Variants in NAV3 observed in about 807,000 individuals in gnomAD.
NAV3 encodes neuron navigator 3.
In NAV3, 87 loss-of-function variants were observed where a neutral mutation model predicts 244.7. The ratio of observed to expected loss-of-function variants is 0.36; its 90% confidence interval spans 0.30 to 0.42. The LOEUF is 0.42. Ranked by LOEUF, NAV3 falls within the 20% of genes least tolerant of loss-of-function variation. The probability of loss-of-function intolerance (pLI) is 1.00; values close to 1 mark genes in which losing one functional copy is unlikely to be tolerated. For synonymous variants in NAV3, 1,126 were observed against 1,042.2 expected (o/e 1.08, Z -1.55); for missense variants, 2,663 against 2,893.3 (o/e 0.92, Z 1.83).
intron 32 of NAV3, 115 bp downstream of exon 32, chr12:78,188,458 C>A: frequency 1.7e-6 from 2 of 1,185,368 alleles, no homozygotes; most frequent in Non-Finnish European, 1.2e-6. Context: ...ATAAGGAAAG[C>A]TTTCTGTTTG....
intron 30 of NAV3, among the ~76,000 whole-genome samples, chr12:78,184,207 G>T (rs1958616614): frequency 6.6e-6 from 1 of 151,722 alleles, no homozygotes; most frequent in African/African-American, 2.4e-5. Flanking sequence ...CCAATATGCA[G>T]CAAAATTTCT....
intron 2 of NAV3, among the ~76,000 whole-genome samples, chr12:77,643,614 C>T (rs559374059): frequency 6.6e-6 from 1 of 151,570 alleles, no homozygotes; most frequent in African/African-American, 2.4e-5. Flanking sequence ...TTTGAGAAAC[C>T]TTTAAAGTAG....
Position 78,118,149 on chromosome 12 carries a change from G to A in NAV3, c.2892G>A (p.Val964=), listed in dbSNP as rs2138568765. The A allele has an allele frequency of 6.2e-7, 1 of 1,614,074 alleles. No individual in the cohort carries two copies. Among genetic ancestry groups the A allele is most frequent in the Non-Finnish European group, 8.5e-7 (1 of 1,180,016 alleles). The change falls in exon 14 of 40, where the codon GTG becomes GTA. Residue 964 remains valine, a synonymous_variant. Transcript: ENST00000397909. ...ATGCTGGTGGCAAGTGGAAGACTGT[G>A]TCCTCTGGACTTCCTGAAGACCCCG... ...HGDAGGKWKT[V]SSGLPEDPEK... is the part of the protein sequence containing the mutation.
At chr12:77,656,778 CA>C (rs1248701009) in intron 2 of NAV3, among the ~76,000 whole-genome samples, 13 of 151,804 alleles carry the variant, frequency 8.6e-5, no homozygotes, top group Admixed American at 6.6e-4. Context: ...ACAGTGCGAT[CA>C]AACTAGAACT....
intron 12 of NAV3, among the ~76,000 whole-genome samples, chr12:78,086,269 A>G (rs1202652600): frequency 6.6e-6 from 1 of 152,088 alleles, no homozygotes; most frequent in African/African-American, 2.4e-5. Flanking sequence ...ATTTGTTTTA[A>G]TAGGAGTCTC....
intron 2 of NAV3, among the ~76,000 whole-genome samples, chr12:77,607,713 C>A (rs2136802369): frequency 6.6e-6 from 1 of 152,114 alleles, no homozygotes; most frequent in South Asian, 2.1e-4. Context: ...AACCCCATAC[C>A]ATTTCTATTG....
chr12:77,959,811 C>T (rs571287243), intron 3 of NAV3, among the ~76,000 whole-genome samples: 1 of 146,958 alleles, frequency 6.8e-6, no homozygotes, highest in East Asian at 2.0e-4. Flanking sequence ...CCCCTTGGCA[C>T]TTCCATTTCT....
At chr12:78,139,216 C>T (rs1449952813) in intron 19 of NAV3, among the ~76,000 whole-genome samples, 3 of 151,962 alleles carry the variant, frequency 2.0e-5, no homozygotes, top group Admixed American at 6.6e-5. Flanking sequence ...CATCTATATA[C>T]TCAGTTTTAA....
At chr12:77,607,843 T>A (rs1015223857) in intron 2 of NAV3, among the ~76,000 whole-genome samples, 1 of 152,122 alleles carries the variant, frequency 6.6e-6, no homozygotes, top group Non-Finnish European at 1.5e-5. Context: ...CTGTGTCTTA[T>A]CTTCCTTTGG....
At chr12:77,982,777 A>C (rs1206941917) in intron 5 of NAV3, among the ~76,000 whole-genome samples, 2 of 152,184 alleles carry the variant, frequency 1.3e-5, no homozygotes, top group Non-Finnish European at 2.9e-5. Context: ...CGGGGATGTC[A>C]CAAACTGGTG....
At chr12:77,814,526 G>C (rs940925054) in intron 2 of NAV3, among the ~76,000 whole-genome samples, 3 of 152,264 alleles carry the variant, frequency 2.0e-5, no homozygotes, top group East Asian at 1.9e-4. Context: ...GGCTGGGTTA[G>C]AGCCAATTAA....
Position 77,765,427 on chromosome 12 carries a change from C to G in NAV3, c.73-174892C>G, listed in dbSNP as rs1291312194. Among the ~76,000 whole-genome samples the G allele has an allele frequency of 2.0e-5, 3 of 152,154 alleles. No individual in the cohort carries two copies. The East Asian group carries it at 5.8e-4, about 29-fold the overall frequency. ...ATGAGGTGCCTTTGAAGCACACATG[C>G]TACTGGAAGAGAAGTCCGTTACAAA... On this transcript the variant is annotated intron_variant, in intron 2 of 8. Transcript: ENST00000550042.
At chr12:77,594,682 G>GT (rs970495015) in intron 2 of NAV3, among the ~76,000 whole-genome samples, 2 of 152,224 alleles carry the variant, frequency 1.3e-5, no homozygotes, top group South Asian at 4.1e-4. Flanking sequence ...TTAGAAGACC[G>GT]TTTTTTCCCC....
At chr12:77,579,901 T>C (rs1869271479) in intron 2 of NAV3, among the ~76,000 whole-genome samples, 1 of 152,218 alleles carries the variant, frequency 6.6e-6, no homozygotes, top group South Asian at 2.1e-4. Context: ...TTCTCATTTG[T>C]GTTACTTCTT....
chr12:77,956,617 G>C (rs770968334), intron 3 of NAV3, among the ~76,000 whole-genome samples: 73 of 152,160 alleles, frequency 4.8e-4, no homozygotes, highest in Non-Finnish European at 8.1e-4. Context: ...GTAAGGACTG[G>C]AGCGATCACT....
intron 3 of NAV3, among the ~76,000 whole-genome samples, chr12:77,958,804 A>G (rs1168485154): frequency 1.3e-5 from 2 of 152,166 alleles, no homozygotes; most frequent in Non-Finnish European, 2.9e-5. Context: ...AACCACAAGT[A>G]GAAAAGAAGG....
In NAV3 at chr12:77,664,822, ACT is replaced by A. The variant is rs1315680908; in HGVS notation, c.72+92559_72+92560del. Among the ~76,000 whole-genome samples, 4 of 152,206 alleles carry A rather than the reference ACT, an allele frequency of 2.6e-5. No individual in the cohort carries two copies. In the East Asian group the frequency reaches 7.7e-4, roughly 29 times the overall value. On this transcript the variant is annotated intron_variant, in intron 2 of 8. Transcript: ENST00000550042. ...GATTAAAAAACAAAAAAGAGAAAACACTCTAAAATCTTAATCTGCATGTAATA... is the reference window on the plus strand; with the variant it reads ...GATTAAAAAACAAAAAAGAGAAAACACTAAAATCTTAATCTGCATGTAATA...
At chr12:78,141,928 A>G (rs1048112022) in intron 20 of NAV3, among the ~76,000 whole-genome samples, 7 of 152,170 alleles carry the variant, frequency 4.6e-5, no homozygotes, top group African/African-American at 1.7e-4. Flanking sequence ...TACATACAAT[A>G]ATTAATATTT....
intron 5 of NAV3, among the ~76,000 whole-genome samples, chr12:77,976,472 T>G (rs954084929): frequency 6.6e-6 from 1 of 151,778 alleles, no homozygotes; most frequent in East Asian, 1.9e-4. Context: ...GCCTGTAACG[T>G]AGGAAGAAAA....
Sources: gnomAD v4.1 joint callset for allele counts (sites outside exome capture counted in the v4.1 genomes callset) on GRCh38, gnomAD v4.1.1 for gene constraint, MANE v1.5 for transcripts, NCBI Gene and HGNC (gene_info 2026-07-23, HGNC 2026-07-21) for gene names.